Variants in QKI observed in about 807,000 individuals in gnomAD.
The protein encoded by QKI is KH domain-containing RNA-binding protein QKI.
A neutral mutation model predicts 39.0 loss-of-function variants in QKI; 10 were observed. That is an observed-to-expected ratio of 0.26 (90% CI 0.16 to 0.43). QKI has a LOEUF of 0.43. QKI is among the 20% of genes least tolerant of loss of function. The pLI is 1.00. For missense variants in QKI, 218 were observed against 428.0 expected (o/e 0.51, Z 4.33); for synonymous variants, 204 against 155.4 (o/e 1.31, Z -2.33).
At position 163,441,116 on chromosome 6, in the gene QKI, T is replaced by C. The variant is rs115136881; in HGVS notation, c.143-14163T>C. Among the ~76,000 whole-genome samples the C allele has an allele frequency of 2.9e-3, 435 of 152,292 alleles. 1 individual carries two copies. Among genetic ancestry groups the C allele is most frequent in the African/African-American group, 9.4e-3 (391 of 41,570 alleles). ...CCTGGCAGGAGCAGCCTTTTCCTTA[T>C]TGGCTCGGTTTTTTTCTTAAAGCCA... On this transcript the variant is annotated intron_variant, in intron 1 of 7. Coordinates refer to ENST00000361752, the MANE Select transcript of QKI (RefSeq NM_006775.3).
rs557164787 is a variant in QKI at position 163,438,150 on chromosome 6, T to G, written c.143-17129T>G. ...TCATTTGCAAACAGCATTTGTTAGGTGTCTTTTCTAAGTATTTTTTATGCC... is the reference window on the plus strand; with the variant it reads ...TCATTTGCAAACAGCATTTGTTAGGGGTCTTTTCTAAGTATTTTTTATGCC... On this transcript the variant is annotated intron_variant, in intron 1 of 7. Coordinates refer to ENST00000361752, the MANE Select transcript of QKI (RefSeq NM_006775.3). Among the ~76,000 whole-genome samples, 348 of 152,324 alleles carry G rather than the reference T, an allele frequency of 2.3e-3. 1 individual carries two copies. Among genetic ancestry groups the G allele is most frequent in the African/African-American group, 8.1e-3 (336 of 41,578 alleles).
chr6:163,473,939 A>G (rs1456082374), intron 2 of QKI, among the ~76,000 whole-genome samples: 2 of 152,094 alleles, frequency 1.3e-5, no homozygotes, highest in Non-Finnish European at 2.9e-5. Context: ...AAAAATCACC[A>G]GAATGCCAGG....
intron 1 of QKI, among the ~76,000 whole-genome samples, chr6:163,430,463 C>A (rs1472712830): frequency 6.6e-6 from 1 of 151,672 alleles, no homozygotes; most frequent in Non-Finnish European, 1.5e-5. Context: ...TTTCCTAGTG[C>A]ATTTGGATTT....
intron 2 of QKI, 107 bp downstream of exon 2, chr6:163,455,528 T>A: frequency 8.8e-7 from 1 of 1,137,496 alleles, no homozygotes. Context: ...TTTAAAAAAA[T>A]GCAGTCATCA....
chr6:163,433,430 A>G (rs1483523935), intron 1 of QKI, among the ~76,000 whole-genome samples: 2 of 152,216 alleles, frequency 1.3e-5, no homozygotes, highest in Non-Finnish European at 2.9e-5. Context: ...TAACAGGTAC[A>G]TATATCCTAA....
chr6:163,537,997 C>G (rs1781301979), intron 4 of QKI, among the ~76,000 whole-genome samples: 1 of 151,548 alleles, frequency 6.6e-6, no homozygotes, highest in African/African-American at 2.4e-5. Flanking sequence ...CATTTTTTTA[C>G]TTTTTGCTAT....
chr6:163,452,495 A>T (rs904697958), intron 1 of QKI, among the ~76,000 whole-genome samples: 4 of 152,142 alleles, frequency 2.6e-5, no homozygotes, highest in African/African-American at 9.7e-5. Context: ...CCAGAAACCT[A>T]GCTCTTTCTT....
At chr6:163,557,041 T>C (rs1279315217) in intron 4 of QKI, among the ~76,000 whole-genome samples, 4 of 152,194 alleles carry the variant, frequency 2.6e-5, no homozygotes, top group African/African-American at 7.2e-5. Flanking sequence ...TATGAGAATT[T>C]TCAGAGTGGC....
chr6:163,415,295 C>A lies in QKI; in HGVS notation c.102C>A (p.Phe34Leu). The change falls in exon 1 of 8, where the codon TTC becomes TTA. Residue 34 changes from phenylalanine to leucine, a missense_variant. Transcript: ENST00000361752. ...DKKLMSSLPNFCGIFNHLERL... is the reference protein window; with the variant it reads ...DKKLMSSLPNLCGIFNHLERL... ...AGCTCATGAGCAGCCTGCCCAACTT[C>A]TGCGGGATCTTCAACCACCTCGAGC... is the stretch of plus-strand genomic sequence containing the variant. The A allele has an allele frequency of 6.3e-7, 1 of 1,595,214 alleles. No individual in the cohort carries two copies. The highest frequency in any genetic ancestry group is 1.1e-5 in the South Asian group (1 of 90,240).
At chr6:163,565,960 A>G in intron 6 of QKI, 2 of 1,613,414 alleles carry the variant, frequency 1.2e-6, no homozygotes, top group Non-Finnish European at 1.7e-6. Context: ...GGCTTTCCCA[A>G]CGAAAGGCTA....
intron 3 of QKI, among the ~76,000 whole-genome samples, chr6:163,489,453 TGTG>T (rs1376946547): frequency 1.4e-5 from 2 of 141,282 alleles, no homozygotes. Context: ...TGTGTGTGTG[TGTG>T]TTGTGTGTAA....
At chr6:163,494,506 C>T (rs1412215125) in intron 3 of QKI, among the ~76,000 whole-genome samples, 1 of 152,184 alleles carries the variant, frequency 6.6e-6, no homozygotes, top group Non-Finnish European at 1.5e-5. Context: ...CAGACACGCA[C>T]ACAGTGGCAA....
intron 3 of QKI, among the ~76,000 whole-genome samples, chr6:163,490,601 T>C (rs572945501): frequency 2.4e-4 from 37 of 152,190 alleles, no homozygotes; most frequent in African/African-American, 8.7e-4. Flanking sequence ...GTGGAAGGTA[T>C]GGGGCACAGT....
chr6:163,444,980 A>G (rs1191337404), intron 1 of QKI, among the ~76,000 whole-genome samples: 1 of 151,976 alleles, frequency 6.6e-6, no homozygotes, highest in African/African-American at 2.4e-5. Context: ...GTGATCATGG[A>G]CCACTGCAGC....
chr6:163,447,301 CAG>C (rs1260397226), intron 1 of QKI, among the ~76,000 whole-genome samples: 3 of 129,372 alleles, frequency 2.3e-5, no homozygotes, highest in East Asian at 4.8e-4. Context: ...ATGATTAAGT[CAG>C]AGTATTTGAG....
At chr6:163,433,062 A>G (rs995835715) in intron 1 of QKI, among the ~76,000 whole-genome samples, 48 of 152,144 alleles carry the variant, frequency 3.2e-4, no homozygotes, top group African/African-American at 1.1e-3. Flanking sequence ...GTTATAGGAA[A>G]ATTGATTTAT....
chr6:163,418,282 A>G (rs1485178184), intron 1 of QKI, among the ~76,000 whole-genome samples: 1 of 152,156 alleles, frequency 6.6e-6, no homozygotes, highest in East Asian at 1.9e-4. Context: ...TTTTCAAAGA[A>G]TAAGCTTTTT....
In QKI at chr6:163,577,660, C is replaced by A. The variant is rs765806065; in HGVS notation, c.*6950C>A. ...CTTCTCTTGCTTTAATCCTTCCCCC[C>A]GGCTCTCTGGCTCCTGTGGATATCT... On this transcript the variant is annotated 3_prime_UTR_variant, in exon 8 of 8. Transcript: ENST00000361752. The A allele has an allele frequency of 2.0e-5, 3 of 152,460 alleles. No individual in the cohort carries two copies. Among genetic ancestry groups the A allele is most frequent in the African/African-American group, 7.2e-5 (3 of 41,428 alleles). The allele number at this position is 152,460 out of a possible 1,614,324, so 9.4% of individuals were successfully genotyped here.
intron 4 of QKI, among the ~76,000 whole-genome samples, chr6:163,553,025 GAT>G (rs1274253172): frequency 1.4e-5 from 2 of 147,736 alleles, no homozygotes; most frequent in Non-Finnish European, 3.0e-5. Flanking sequence ...GAGATTTTTA[GAT>G]AGTCATAATT....
Sources: allele counts gnomAD v4.1 joint callset (sites outside exome capture counted in the v4.1 genomes callset), GRCh38; gene constraint gnomAD v4.1.1; transcripts MANE v1.5; gene names NCBI Gene and HGNC (gene_info 2026-07-23, HGNC 2026-07-21).